Variants in AUTS2 observed in about 807,000 individuals in gnomAD.
AUTS2 encodes autism susceptibility gene 2 protein.
Under a neutral mutation model 112.4 loss-of-function variants are expected in AUTS2, and 17 were observed. The observed-to-expected ratio is 0.15, with a 90% CI of 0.10 to 0.23. The LOEUF is 0.23. Ranked by LOEUF, AUTS2 falls within the 10% of genes least tolerant of loss-of-function variation. AUTS2 has a pLI of 1.00. For synonymous variants in AUTS2, 751 were observed against 702.7 expected (o/e 1.07, Z -1.09); for missense variants, 1,510 against 1,701.6 (o/e 0.89, Z 1.98).
intron 5 of AUTS2, among the ~76,000 whole-genome samples, chr7:70,577,078 G>A (rs1374715875): frequency 1.3e-5 from 2 of 152,204 alleles, no homozygotes; most frequent in Admixed American, 1.3e-4. Context: ...ACTTTTGAAT[G>A]AATGAGTAGA....
chr7:70,269,234 C>T (rs75213674), intron 4 of AUTS2, among the ~76,000 whole-genome samples: 1,627 of 152,244 alleles, frequency 0.011, 12 homozygotes, highest in Middle Eastern at 0.02. Flanking sequence ...CTTGGTGTTC[C>T]GCTCCTTACC....
intron 1 of AUTS2, among the ~76,000 whole-genome samples, chr7:69,648,523 A>T (rs1795144145): frequency 2.0e-5 from 3 of 148,740 alleles, no homozygotes; most frequent in African/African-American, 7.4e-5. Flanking sequence ...GTGGGATGGG[A>T]TTTTTTTTTT....
chr7:70,185,256 A>ATTTTTTTTTTTTTTTTT, intron 4 of AUTS2, among the ~76,000 whole-genome samples: 1 of 109,250 alleles, frequency 9.2e-6, no homozygotes, highest in African/African-American at 4.0e-5. Flanking sequence ...ATGACATTAA[A>ATTTTTTTTTTTTTTTTT]CTTTTTTTTT....
chr7:69,745,449 C>T (rs772757884), intron 1 of AUTS2, among the ~76,000 whole-genome samples: 3 of 152,164 alleles, frequency 2.0e-5, no homozygotes, highest in South Asian at 2.1e-4. Flanking sequence ...TTGAAATGCA[C>T]TTTTGCCTCC....
intron 2 of AUTS2, among the ~76,000 whole-genome samples, chr7:69,940,170 T>C (rs1454272794): frequency 6.6e-6 from 1 of 152,146 alleles, no homozygotes; most frequent in East Asian, 1.9e-4. Flanking sequence ...AGAGTCAGGA[T>C]TTGAACCTGG....
intron 2 of AUTS2, among the ~76,000 whole-genome samples, chr7:69,986,896 A>G (rs1456523569): frequency 6.6e-6 from 1 of 152,176 alleles, no homozygotes; most frequent in Admixed American, 6.5e-5. Context: ...CCAATCTTTC[A>G]TAAAAATTAT....
At chr7:69,712,300 A>G (rs576011442) in intron 1 of AUTS2, among the ~76,000 whole-genome samples, 24 of 152,352 alleles carry the variant, frequency 1.6e-4, no homozygotes, top group African/African-American at 5.5e-4. Context: ...AGTGTTGTCC[A>G]TGAAACCATC....
At chr7:70,286,430 G>A (rs1375270887) in intron 4 of AUTS2, among the ~76,000 whole-genome samples, 1 of 152,182 alleles carries the variant, frequency 6.6e-6, no homozygotes, top group Non-Finnish European at 1.5e-5. Flanking sequence ...AAAACAGAAA[G>A]TATTCTAAAA....
At chr7:70,062,716 T>A (rs1802310648) in intron 2 of AUTS2, among the ~76,000 whole-genome samples, 1 of 152,218 alleles carries the variant, frequency 6.6e-6, no homozygotes. Context: ...AATAGCTAGT[T>A]GTTAACATTT....
At chr7:70,028,954 T>C (rs1375383845) in intron 2 of AUTS2, among the ~76,000 whole-genome samples, 2 of 152,150 alleles carry the variant, frequency 1.3e-5, no homozygotes. Flanking sequence ...GTACTCTAGC[T>C]ACATAGGACT....
intron 2 of AUTS2, among the ~76,000 whole-genome samples, chr7:70,072,305 T>C (rs757732089): frequency 2.0e-5 from 3 of 152,166 alleles, no homozygotes; most frequent in Non-Finnish European, 4.4e-5. Context: ...TGAGTTATTC[T>C]CTCCTTTTAG....
chr7:69,898,459 C>G (rs745786647), intron 1 of AUTS2, among the ~76,000 whole-genome samples: 1 of 152,074 alleles, frequency 6.6e-6, no homozygotes, highest in Non-Finnish European at 1.5e-5. Context: ...TGACTTACTC[C>G]ACTTCTGATA....
intron 5 of AUTS2, among the ~76,000 whole-genome samples, chr7:70,679,616 A>T (rs1028588999): frequency 1.3e-5 from 2 of 151,408 alleles, no homozygotes; most frequent in Non-Finnish European, 2.9e-5. Flanking sequence ...AAAAAAAAAA[A>T]TCCTGAGAGG....
chr7:69,718,890 G>A (rs1798764276), intron 1 of AUTS2, among the ~76,000 whole-genome samples: 1 of 152,156 alleles, frequency 6.6e-6, no homozygotes, highest in Admixed American at 6.6e-5. Flanking sequence ...GTGGTGGGTG[G>A]TTTATCACTG....
intron 6 of AUTS2, among the ~76,000 whole-genome samples, chr7:70,701,546 T>C (rs1809461969): frequency 6.6e-6 from 1 of 152,244 alleles, no homozygotes; most frequent in Non-Finnish European, 1.5e-5. Flanking sequence ...GTGTTATAGA[T>C]GCCATCCAGT....
intron 2 of AUTS2, among the ~76,000 whole-genome samples, chr7:70,109,535 T>A (rs927462970): frequency 3.9e-5 from 6 of 152,200 alleles, no homozygotes; most frequent in African/African-American, 1.4e-4. Flanking sequence ...GTCAAAAATT[T>A]AAAAATTTTC....
At chr7:69,676,508 G>A (rs1796570793) in intron 1 of AUTS2, among the ~76,000 whole-genome samples, 1 of 152,168 alleles carries the variant, frequency 6.6e-6, no homozygotes, top group Non-Finnish European at 1.5e-5. Context: ...GTCTTGGTCT[G>A]GGGGAAGATA....
chr7:69,684,750 A>G (rs534335327), intron 1 of AUTS2, among the ~76,000 whole-genome samples: 1 of 152,248 alleles, frequency 6.6e-6, no homozygotes, highest in Non-Finnish European at 1.5e-5. Flanking sequence ...TAGGAAGGAC[A>G]TGAGAGTCTT....
rs78982216 is a variant in AUTS2, at chr7:70,523,883, G to A, written c.690+88102G>A. 2.5e-3 allele frequency among the ~76,000 whole-genome samples: 375 copies of A among 152,260 alleles called. 2 individuals are homozygous for A. The highest frequency in any genetic ancestry group is 8.9e-3 in the African/African-American group (370 of 41,546). On this transcript the variant is annotated intron_variant, in intron 5 of 18. Coordinates refer to ENST00000342771, the MANE Select transcript of AUTS2 (RefSeq NM_015570.4). ...CTAGAGGGTGGCTTAGATCTTTCCC[G>A]CCTGGGTTTCTCACTGCCCTGCCCC...
Sources: gnomAD v4.1 joint callset for allele counts (sites outside exome capture counted in the v4.1 genomes callset) on GRCh38, gnomAD v4.1.1 for gene constraint, MANE v1.5 for transcripts, NCBI Gene and HGNC (gene_info 2026-07-23, HGNC 2026-07-21) for gene names.